Variants in AGK observed in about 807,000 individuals in gnomAD.
AGK encodes acylglycerol kinase, mitochondrial.
A neutral mutation model predicts 66.4 loss-of-function variants in AGK; 52 were observed. The observed-to-expected ratio is 0.78, with a 90% CI of 0.63 to 0.99. AGK has a LOEUF of 0.99. Among genes scored for constraint, AGK ranks in the 50% least tolerant of loss-of-function variants. The probability of loss-of-function intolerance (pLI) is 0.00; values close to 1 mark genes in which losing one functional copy is unlikely to be tolerated. For missense variants in AGK, 451 were observed against 506.6 expected (o/e 0.89, Z 1.05); for synonymous variants, 182 against 181.1 (o/e 1.00, Z -0.04).
At chr7:141,652,518 C>A in intron 15 of AGK, 1 of 300,892 alleles carries the variant, frequency 3.3e-6, no homozygotes, top group South Asian at 7.2e-5. Context: ...CCATGTTGTT[C>A]AAATCCCAAA....
intron 1 of AGK, among the ~76,000 whole-genome samples, chr7:141,553,559 G>T (rs1795144310): frequency 6.6e-6 from 1 of 152,152 alleles, no homozygotes; most frequent in Admixed American, 6.5e-5. Context: ...TTTGACAGTT[G>T]TGAGCACTTG....
chr7:141,589,624 G>A (rs1295074106), intron 2 of AGK, among the ~76,000 whole-genome samples: 1 of 151,514 alleles, frequency 6.6e-6, no homozygotes, highest in Admixed American at 6.6e-5. Context: ...GCCATGACGC[G>A]TTCTCGGCTC....
rs1391445010 is a variant in AGK at position 141,555,158 on chromosome 7, T to A, written c.-14-295T>A. The stretch of plus-strand genomic sequence containing the variant: ...TCTCTTTCTGCCCCTCCCTCTTCCT[T>A]CTATTGCAATGAAGAAATAGTGATC... On this transcript the variant is annotated intron_variant, in intron 1 of 15. Coordinates refer to ENST00000649286, the MANE Select transcript of AGK (RefSeq NM_018238.4). This position sits in a 1 kb window ranked among gnomAD's most constrained non-coding sequence, Gnocchi z 4.2. Among the ~76,000 whole-genome samples the A allele has an allele frequency of 6.6e-6, 1 of 152,152 alleles. No individual in the cohort carries two copies. The highest frequency in any genetic ancestry group is 1.5e-5 in the Non-Finnish European group (1 of 68,036).
chr7:141,616,940 G>A (rs1796718857), intron 8 of AGK, among the ~76,000 whole-genome samples: 2 of 151,728 alleles, frequency 1.3e-5, no homozygotes, highest in Non-Finnish European at 1.5e-5. Flanking sequence ...TGTATTTTTA[G>A]TACAGATGGG....
intron 8 of AGK, among the ~76,000 whole-genome samples, chr7:141,620,378 C>G (rs1796797708): frequency 6.6e-6 from 1 of 152,172 alleles, no homozygotes; most frequent in African/African-American, 2.4e-5. Flanking sequence ...CTTCCAGTTT[C>G]CAGTTCCACA....
chr7:141,567,779 A>G (rs183890574), intron 2 of AGK, among the ~76,000 whole-genome samples: 2 of 152,344 alleles, frequency 1.3e-5, no homozygotes, highest in African/African-American at 4.8e-5. Flanking sequence ...TGGTCCTTTT[A>G]GTAGCAAAGA....
In AGK at chr7:141,598,992, TTATC is replaced by T. The variant is rs1233745348; in HGVS notation, c.222-2210_222-2207del. 1.3e-5 allele frequency: 2 copies of T among 152,214 alleles called. No homozygotes were observed. The highest frequency in any genetic ancestry group is 4.8e-5 in the African/African-American group (2 of 41,466). 9.4% of individuals were successfully genotyped at this position (152,214 alleles called of 1,614,324 possible). ...ATTCTTGTTTAAAACTATAACATCT[TTATC>T]TAAAGGTAAGCTAAAATACTGCCAC... On this transcript the variant is annotated intron_variant, in intron 4 of 15. Transcript: ENST00000649286. The surrounding 1 kb of genome is among the most constrained non-coding windows in gnomAD (Gnocchi z 4.2).
intron 6 of AGK, 32 bp from the exon 7 acceptor site, chr7:141,614,114 T>A (rs1275339781): frequency 7.0e-7 from 1 of 1,429,788 alleles, no homozygotes; most frequent in Non-Finnish European, 9.7e-7. Flanking sequence ...ATACATATTA[T>A]TTATAACAAT....
intron 2 of AGK, among the ~76,000 whole-genome samples, chr7:141,573,788 A>G (rs189182052): frequency 1.8e-4 from 28 of 152,308 alleles, no homozygotes; most frequent in South Asian, 1.2e-3. Flanking sequence ...CTTCTGGAGT[A>G]GCTGTCAGGA....
At chr7:141,595,596 C>T (rs1293536773) in intron 3 of AGK, among the ~76,000 whole-genome samples, 1 of 152,040 alleles carries the variant, frequency 6.6e-6, no homozygotes. Context: ...TTTTTTTCCT[C>T]CTCCTATCTT....
chr7:141,624,226 A>T (rs1349573845), intron 9 of AGK, among the ~76,000 whole-genome samples: 1 of 152,180 alleles, frequency 6.6e-6, no homozygotes, highest in African/African-American at 2.4e-5. Context: ...TCAACTTTCA[A>T]GTTTTATTAT....
chr7:141,618,131 T>C (rs1796746754), intron 8 of AGK, among the ~76,000 whole-genome samples: 1 of 152,224 alleles, frequency 6.6e-6, no homozygotes, highest in African/African-American at 2.4e-5. Flanking sequence ...TTAGAAACAC[T>C]GGTTTAGGTG....
At chr7:141,566,747 CCAT>C (rs1795479460) in intron 2 of AGK, among the ~76,000 whole-genome samples, 2 of 152,160 alleles carry the variant, frequency 1.3e-5, no homozygotes, top group African/African-American at 4.8e-5. Flanking sequence ...GACTCTCATC[CCAT>C]TGTTTCACCT....
rs370409778 is a variant in AGK, at chr7:141,615,465, C to G, written c.424-6C>G. On this transcript the variant is annotated splice_polypyrimidine_tract_variant and splice_region_variant and intron_variant, in intron 7 of 15. Coordinates refer to ENST00000649286, the MANE Select transcript of AGK (RefSeq NM_018238.4). Reference sequence around the variant, plus strand: ...AATAAAACTTTCCTCTTCTTTCCCCCCCCAGGCTACCTTCAGTAAGATTCC... The same window carrying G: ...AATAAAACTTTCCTCTTCTTTCCCCGCCCAGGCTACCTTCAGTAAGATTCC... 1.5e-5 allele frequency: 24 copies of G among 1,612,218 alleles called. No individual in the cohort carries two copies. The highest frequency in any genetic ancestry group is 6.7e-5 in the East Asian group (3 of 44,864).
chr7:141,593,316 T>C, intron 3 of AGK, 131 bp downstream of exon 3: 1 of 829,060 alleles, frequency 1.2e-6, no homozygotes, highest in Non-Finnish European at 2.0e-6. Context: ...ACTATCAGGA[T>C]GAATCACGCT....
rs1284563991 is a variant in AGK at position 141,653,706 on chromosome 7, A to G, written c.*782A>G. 3 of 152,204 alleles carry G rather than the reference A, an allele frequency of 2.0e-5. No homozygotes were observed. The East Asian group carries it at 5.8e-4, about 29-fold the overall frequency. The allele number at this position is 152,204 out of a possible 1,614,324, so 9.4% of individuals were successfully genotyped here. A position where few individuals can be genotyped will look rare whatever the true frequency, so the allele number is the denominator to read the frequency against. ...ATCGTGTTTTAAAGCAGTAGTCCAC[A>G]AAGTATTCTGCTCATGTGCCCCCAA... is the stretch of plus-strand genomic sequence containing the variant. On this transcript the variant is annotated 3_prime_UTR_variant, in exon 16 of 16. Coordinates refer to ENST00000649286, the MANE Select transcript of AGK (RefSeq NM_018238.4).
chr7:141,583,649 G>A (rs567355462), intron 2 of AGK, among the ~76,000 whole-genome samples: 1 of 152,066 alleles, frequency 6.6e-6, no homozygotes, highest in South Asian at 2.1e-4. Context: ...CTTAAACATG[G>A]GTGAATAATC....
At chr7:141,647,343 A>G (rs1464214516) in intron 13 of AGK, among the ~76,000 whole-genome samples, 1 of 152,110 alleles carries the variant, frequency 6.6e-6, no homozygotes, top group African/African-American at 2.4e-5. Context: ...GCCATGGTCT[A>G]TGAGGCTCTG....
chr7:141,645,029 ATTC>A (rs1250412736), intron 13 of AGK, among the ~76,000 whole-genome samples: 1 of 152,088 alleles, frequency 6.6e-6, no homozygotes, highest in East Asian at 1.9e-4. Context: ...TCTCTTGGCT[ATTC>A]TTAGCTCATT....
Sources: allele counts gnomAD v4.1 joint callset (sites outside exome capture counted in the v4.1 genomes callset), GRCh38; gene constraint gnomAD v4.1.1; non-coding constraint Gnocchi (gnomAD v3.1); transcripts MANE v1.5; gene names NCBI Gene and HGNC (gene_info 2026-07-23, HGNC 2026-07-21).